The following UBE2D2 variants were observed in gnomAD, a reference collection of about 807,000 sequenced individuals.
UBE2D2 encodes the protein ubiquitin conjugating enzyme E2 D2.
In UBE2D2, 2 loss-of-function variants were observed where a neutral mutation model predicts 24.2. That is an observed-to-expected ratio of 0.08 (90% CI 0.03 to 0.26). UBE2D2 has a LOEUF of 0.26. UBE2D2 is among the 10% of genes least tolerant of loss of function. The pLI, the probability that UBE2D2 is intolerant of heterozygous loss-of-function variation, is 1.00. For synonymous variants in UBE2D2, 58 were observed against 56.5 expected (o/e 1.03, Z -0.12); for missense variants, 44 against 177.6 (o/e 0.25, Z 4.28).
intron 2 of UBE2D2, among the ~76,000 whole-genome samples, chr5:139,612,984 A>G (rs1754354708): frequency 6.6e-6 from 1 of 152,200 alleles, no homozygotes; most frequent in Admixed American, 6.5e-5. Flanking sequence ...TGAAGATACT[A>G]GGTCCAGTTT....
intron 2 of UBE2D2, among the ~76,000 whole-genome samples, chr5:139,602,332 G>A (rs1479204995): frequency 6.6e-6 from 1 of 152,208 alleles, no homozygotes; most frequent in Non-Finnish European, 1.5e-5. Flanking sequence ...AATTACAGGC[G>A]TGAGCTACTG....
intron 2 of UBE2D2, among the ~76,000 whole-genome samples, chr5:139,601,260 G>A (rs1017006414): frequency 2.6e-5 from 4 of 151,970 alleles, no homozygotes; most frequent in African/African-American, 9.7e-5. Flanking sequence ...TTTAAAGAGG[G>A]GATATTTGAA....
chr5:139,615,829 AT>A (rs200247238), intron 5 of UBE2D2, among the ~76,000 whole-genome samples: 960 of 95,360 alleles, frequency 0.01, 7 homozygotes, highest in African/African-American at 0.041. Context: ...AATAATCTAG[AT>A]TTTTTTTTTT....
At chr5:139,560,621 C>T (rs540529646), upstream of UBE2D2, among the ~76,000 whole-genome samples, 3 of 152,284 alleles carry the variant, frequency 2.0e-5, no homozygotes, top group East Asian at 1.9e-4. Context: ...GGTGAGTCAC[C>T]GCGCCCAGCC....
At chr5:139,590,312 G>A (rs1400899210) in intron 1 of UBE2D2, among the ~76,000 whole-genome samples, 1 of 151,864 alleles carries the variant, frequency 6.6e-6, no homozygotes. Flanking sequence ...GTGGATGCCT[G>A]TAATCCCAGC....
intron 1 of UBE2D2, among the ~76,000 whole-genome samples, chr5:139,531,748 G>A (rs1752600109): frequency 6.6e-6 from 1 of 152,082 alleles, no homozygotes; most frequent in Non-Finnish European, 1.5e-5. Context: ...GATCACTTGA[G>A]CTCAGGAGTT....
chr5:139,596,994 C>T (rs1157013221), intron 1 of UBE2D2, among the ~76,000 whole-genome samples: 1 of 151,604 alleles, frequency 6.6e-6, no homozygotes, highest in African/African-American at 2.4e-5. Context: ...TTGCAGTGAG[C>T]CAAGATCGTG....
At chr5:139,609,374 C>T (rs1406011553) in intron 2 of UBE2D2, among the ~76,000 whole-genome samples, 3 of 150,704 alleles carry the variant, frequency 2.0e-5, no homozygotes, top group African/African-American at 7.3e-5. Flanking sequence ...GAGACCCCAT[C>T]TCTTTTTTTT....
intron 1 of UBE2D2, among the ~76,000 whole-genome samples, chr5:139,570,965 A>G (rs1299360147): frequency 6.6e-6 from 1 of 152,216 alleles, no homozygotes; most frequent in Non-Finnish European, 1.5e-5. Flanking sequence ...GAGCAGCCTC[A>G]AATGGGTTTT....
chr5:139,570,172 CAGG>C (rs1478270672), intron 1 of UBE2D2, among the ~76,000 whole-genome samples: 2 of 152,110 alleles, frequency 1.3e-5, no homozygotes, highest in Non-Finnish European at 2.9e-5. Flanking sequence ...GAGGCTGAGA[CAGG>C]AGGATCACTT....
intron 1 of UBE2D2, among the ~76,000 whole-genome samples, chr5:139,543,474 C>T (rs754317624): frequency 6.6e-6 from 1 of 152,226 alleles, no homozygotes; most frequent in African/African-American, 2.4e-5. Flanking sequence ...GATTGCACGT[C>T]AGTAGGCGGG....
At chr5:139,535,852 G>A (rs1752662929) in intron 1 of UBE2D2, among the ~76,000 whole-genome samples, 2 of 152,166 alleles carry the variant, frequency 1.3e-5, no homozygotes, top group South Asian at 4.1e-4. Flanking sequence ...TACTAACTGT[G>A]AGAAGTCTTG....
chr5:139,560,999 C>T (rs576754260), upstream of UBE2D2, among the ~76,000 whole-genome samples: 1 of 152,340 alleles, frequency 6.6e-6, no homozygotes, highest in Admixed American at 6.5e-5. Flanking sequence ...GTGCCTCCTC[C>T]CGGGACTAGT....
rs893339188 is a variant in UBE2D2, at chr5:139,589,295, G to A, written c.25-11077G>A. On this transcript the variant is annotated intron_variant, in intron 1 of 6. Transcript: ENST00000398733. ...AAAAATAGCCCGGGCACGGTGGCTC[G>A]TGCTTGTATTCCCAGCACTTTGGGA... Among the ~76,000 whole-genome samples the A allele has an allele frequency of 3.9e-5, 6 of 151,968 alleles. No individual in the cohort carries two copies. In the South Asian group the frequency reaches 6.2e-4, roughly 16 times the overall value.
chr5:139,608,486 G>A (rs1317995779), intron 2 of UBE2D2, among the ~76,000 whole-genome samples: 2 of 151,778 alleles, frequency 1.3e-5, no homozygotes, highest in Non-Finnish European at 2.9e-5. Flanking sequence ...CACTGCTGGT[G>A]GCTCATGCCT....
chr5:139,609,290 C>G (rs1341373885), intron 2 of UBE2D2, among the ~76,000 whole-genome samples: 1 of 152,012 alleles, frequency 6.6e-6, no homozygotes, highest in South Asian at 2.1e-4. Flanking sequence ...CACCTATAAT[C>G]CCAGCACTTT....
At chr5:139,612,513 A>G (rs965927173) in intron 2 of UBE2D2, 3 of 152,220 alleles carry the variant, frequency 2.0e-5, no homozygotes, top group East Asian at 1.9e-4. Context: ...CTTTCTTACT[A>G]TCTTACCCAA....
intron 1 of UBE2D2, among the ~76,000 whole-genome samples, chr5:139,555,579 T>C (rs2126641733): frequency 6.6e-6 from 1 of 152,188 alleles, no homozygotes; most frequent in South Asian, 2.1e-4. Context: ...GAAAGTGCTT[T>C]TATCAGGAAA....
intron 6 of UBE2D2, among the ~76,000 whole-genome samples, chr5:139,624,525 C>T (rs928998942): frequency 6.6e-6 from 1 of 152,214 alleles, no homozygotes; most frequent in Admixed American, 6.5e-5. Context: ...CAGTGGCTCA[C>T]GCCTGTAACC....
Sources: gnomAD v4.1 joint callset for allele counts (sites outside exome capture counted in the v4.1 genomes callset) on GRCh38, gnomAD v4.1.1 for gene constraint, MANE v1.5 for transcripts, NCBI Gene and HGNC (gene_info 2026-07-23, HGNC 2026-07-21) for gene names.